SLC11A2: variants seen among roughly 807,000 people sequenced by gnomAD.
The protein encoded by SLC11A2 is solute carrier family 11 member 2, also known as natural resistance-associated macrophage protein 2.
A neutral mutation model predicts 68.0 loss-of-function variants in SLC11A2; 38 were observed. The observed-to-expected ratio is 0.56, with a 90% confidence interval of 0.43 to 0.73. SLC11A2 has a LOEUF of 0.73. Ranked by LOEUF, SLC11A2 falls within the 30% of genes least tolerant of loss-of-function variation. The pLI is 0.00. For synonymous variants in SLC11A2, 242 were observed against 250.6 expected (o/e 0.97, Z 0.32); for missense variants, 517 against 690.5 (o/e 0.75, Z 2.82).
chr12:50,953,924 T>C, the SLC11A2 span: 1 of 832,458 alleles, frequency 1.2e-6, no homozygotes, highest in Non-Finnish European at 2.0e-6. Flanking sequence ...AAGAGTATGA[T>C]GGGAGAGGAA....
chr12:51,028,162 C>T, upstream of SLC11A2: 1 of 1,522,804 alleles, frequency 6.6e-7, no homozygotes, highest in African/African-American at 1.4e-5. Flanking sequence ...TGGGCAGCTT[C>T]CCTGGGCTAC....
chr12:50,968,960 T>A, the SLC11A2 span, among the ~76,000 whole-genome samples: 2 of 152,132 alleles, frequency 1.3e-5, no homozygotes, highest in Non-Finnish European at 2.9e-5. Context: ...ATTACAGGCA[T>A]GAGCCCCCAC....
chr12:50,962,842 A>T, the SLC11A2 span, among the ~76,000 whole-genome samples: 1 of 152,184 alleles, frequency 6.6e-6, no homozygotes, highest in African/African-American at 2.4e-5. Context: ...CTAAGCAGAG[A>T]AGGACCTCAG....
downstream of SLC11A2, among the ~76,000 whole-genome samples, chr12:50,984,342 A>G (rs981911958): frequency 5.3e-5 from 8 of 152,194 alleles, no homozygotes; most frequent in African/African-American, 1.9e-4. Context: ...GCTTTAGGAC[A>G]TGGAAACAGC....
chr12:51,016,133 G>T (rs1221700580), intron 1 of SLC11A2, among the ~76,000 whole-genome samples: 1 of 152,194 alleles, frequency 6.6e-6, no homozygotes, highest in Non-Finnish European at 1.5e-5. Context: ...GGCTGTAGTG[G>T]CTCATGCCTG....
At chr12:50,989,232 G>A (rs1940903903) in intron 15 of SLC11A2, among the ~76,000 whole-genome samples, 1 of 152,188 alleles carries the variant, frequency 6.6e-6, no homozygotes, top group East Asian at 1.9e-4. Context: ...GCTCATGCCT[G>A]TAATCCCAAC....
intron 3 of SLC11A2, 174 bp downstream of exon 3, chr12:51,008,302 G>GT (rs1566020700): frequency 7.5e-5 from 39 of 522,260 alleles, no homozygotes; most frequent in Non-Finnish European, 1.2e-4. Context: ...ATATAGATGG[G>GT]GTGTGTGTGT....
At chr12:50,970,481 G>A in the SLC11A2 span, 18 of 1,534,628 alleles carry the variant, frequency 1.2e-5, no homozygotes, top group African/African-American at 1.4e-4. Flanking sequence ...ATTAGACCAC[G>A]ATTCTTCAGT....
rs1941759083 is a variant in SLC11A2 at position 50,996,987 on chromosome 12, A to C, written c.676-15T>G. On this transcript the variant is annotated splice_polypyrimidine_tract_variant and intron_variant, in intron 8 of 15. Coordinates refer to ENST00000262052, the MANE Select transcript of SLC11A2 (RefSeq NM_000617.3). The stretch of plus-strand genomic sequence containing the variant: ...ACTGTAACATACTACATACCAACAT[A>C]ACAATGATTAGCCTTTACAGGAACG... 6.2e-7 allele frequency: 1 copy of C among 1,612,204 alleles called. No individual in the cohort carries two copies. Among genetic ancestry groups the C allele is most frequent in the African/African-American group, 1.3e-5 (1 of 74,870 alleles).
chr12:51,007,829 C>T (rs1942858579), intron 3 of SLC11A2, among the ~76,000 whole-genome samples: 1 of 152,030 alleles, frequency 6.6e-6, no homozygotes, highest in Admixed American at 6.6e-5. Context: ...TTTGTAGAGA[C>T]AGGGTTTCGC....
intron 1 of SLC11A2, among the ~76,000 whole-genome samples, chr12:51,011,063 C>T (rs1342623363): frequency 6.6e-6 from 1 of 151,844 alleles, no homozygotes; most frequent in African/African-American, 2.4e-5. Context: ...AAACCCTTCA[C>T]GGATGGCAGG....
downstream of SLC11A2, chr12:50,979,793 TAA>T (rs1565968947): frequency 2.2e-6 from 1 of 448,078 alleles, no homozygotes; most frequent in East Asian, 7.0e-5. Flanking sequence ...CTGGATTTTT[TAA>T]AAAGTTTTAT....
chr12:50,978,808 T>G (rs116955799), downstream of SLC11A2, among the ~76,000 whole-genome samples: 3,078 of 152,170 alleles, frequency 0.02, 44 homozygotes, highest in Non-Finnish European at 0.028. Flanking sequence ...TGGGCAAAAT[T>G]TTAGTGGCCT....
chr12:50,981,827 G>A, downstream of SLC11A2: 7 of 1,368,026 alleles, frequency 5.1e-6, no homozygotes, highest in Non-Finnish European at 5.9e-6. Flanking sequence ...GATGGAAGAG[G>A]GTTAGACTGA....
rs536729649 is a variant in SLC11A2, at chr12:51,001,677, G to A, written c.430-1258C>T. Among the ~76,000 whole-genome samples, 7 of 146,308 alleles carry A rather than the reference G, an allele frequency of 4.8e-5. No homozygotes were observed. In the South Asian group the frequency reaches 1.5e-3, roughly 32 times the overall value. ...ATAAAAATTATAGGAAAAAAAAAAA[G>A]TACAAAAGTATCCAGGCATGATGGC... On this transcript the variant is annotated intron_variant, in intron 5 of 15. Transcript: ENST00000262052.
At chr12:51,013,147 C>T (rs980450935) in intron 1 of SLC11A2, among the ~76,000 whole-genome samples, 1 of 152,202 alleles carries the variant, frequency 6.6e-6, no homozygotes, top group African/African-American at 2.4e-5. Flanking sequence ...AACTCAAGTA[C>T]ATCAATTAGT....
upstream of SLC11A2, chr12:51,026,502 GCCCA>G: frequency 3.9e-6 from 2 of 516,932 alleles, no homozygotes; most frequent in Non-Finnish European, 6.2e-6. Context: ...CCTAGGCTCC[GCCCA>G]CGCGGAGTCT....
intron 1 of SLC11A2, among the ~76,000 whole-genome samples, chr12:51,014,509 A>T (rs927918671): frequency 6.6e-6 from 1 of 152,260 alleles, no homozygotes; most frequent in East Asian, 1.9e-4. Flanking sequence ...CAGCCTTTTC[A>T]ACAAAGCTTT....
Position 50,994,591 on chromosome 12 carries a change from G to A in SLC11A2, c.1030C>T (p.Leu344Phe), listed in dbSNP as rs781745809. The change falls in exon 11 of 16, where the codon CTC (leucine) becomes TTC (phenylalanine). Residue 344 changes from leucine to phenylalanine, a missense_variant. Transcript: ENST00000262052. ...CTNTSSPHAG[L>F]FPKDNSTLAV... ...AGTGTCGAGTTATCTTTAGGAAAGA[G>A]GCCAGCATGAGGACTGCTGGTATTT... is the stretch of plus-strand genomic sequence containing the variant. The A allele has an allele frequency of 1.7e-5, 27 of 1,613,128 alleles. No homozygotes were observed. In the East Asian group the frequency reaches 5.8e-4, roughly 35 times the overall value.
Sources: allele counts gnomAD v4.1 joint callset (sites outside exome capture counted in the v4.1 genomes callset), GRCh38; gene constraint gnomAD v4.1.1; transcripts MANE v1.5; gene names NCBI Gene and HGNC (gene_info 2026-07-23, HGNC 2026-07-21).